The following UBA5 variants were observed in gnomAD, a reference collection of about 807,000 sequenced individuals.
The protein encoded by UBA5 is ubiquitin like modifier activating enzyme 5.
In UBA5, 28 loss-of-function variants were observed where a neutral mutation model predicts 52.9. The observed-to-expected ratio is 0.53, with a 90% CI of 0.39 to 0.73. UBA5 has a LOEUF of 0.73. Among genes scored for constraint, UBA5 ranks in the 30% least tolerant of loss-of-function variants. The probability of loss-of-function intolerance (pLI) is 0.00; values close to 1 mark genes in which losing one functional copy is unlikely to be tolerated. For synonymous variants in UBA5, 135 were observed against 162.1 expected (o/e 0.83, Z 1.27); for missense variants, 388 against 492.7 (o/e 0.79, Z 2.01).
At chr3:132,655,934 TAA>T (rs1307405838), upstream of UBA5, among the ~76,000 whole-genome samples, 2 of 152,220 alleles carry the variant, frequency 1.3e-5, no homozygotes, top group African/African-American at 2.4e-5. Flanking sequence ...ATCTTGCAGA[TAA>T]AAAGAGTATT....
At chr3:132,655,978 T>C (rs1388258059), upstream of UBA5, among the ~76,000 whole-genome samples, 1 of 152,212 alleles carries the variant, frequency 6.6e-6, no homozygotes, top group Non-Finnish European at 1.5e-5. Flanking sequence ...GGAATAGTAA[T>C]GCCACAAACA....
rs144114319 is a variant in UBA5 at position 132,665,960 on chromosome 3, CAT to C, written c.208-20_208-19del. ...TATTTGATGAAGAGCTATTAACCAA[CAT>C]ATACTATTTTATATTTCACAGAAAA... is the stretch of plus-strand genomic sequence containing the variant. On this transcript the variant is annotated intron_variant, in intron 2 of 11. Coordinates refer to ENST00000356232, the MANE Select transcript of UBA5 (RefSeq NM_024818.6). 5,923 of 1,611,500 alleles carry C rather than the reference CAT, an allele frequency of 3.7e-3. 185 individuals are homozygous for C. The African/African-American group carries it at 0.069, about 19-fold the overall frequency.
At chr3:132,657,179 T>C (rs1340525331), upstream of UBA5, among the ~76,000 whole-genome samples, 1 of 152,222 alleles carries the variant, frequency 6.6e-6, no homozygotes, top group East Asian at 1.9e-4. Flanking sequence ...AGAGTCTAAT[T>C]TCTATTTCTT....
rs1464880073 is a variant in UBA5 at position 132,679,775 on chromosome 3, C to G, written c.*3249C>G. On this transcript the variant is annotated 3_prime_UTR_variant, in exon 12 of 12. Transcript: ENST00000356232. ...CCACTAAATAATCAAATTCTAAGCTCTAACAGCTTAATTCTAAAATCATTG... is the reference window on the plus strand; with the variant it reads ...CCACTAAATAATCAAATTCTAAGCTGTAACAGCTTAATTCTAAAATCATTG... Among the ~76,000 whole-genome samples, 4 of 152,144 alleles carry G rather than the reference C, an allele frequency of 2.6e-5. No homozygotes were observed. The highest frequency in any genetic ancestry group is 2.0e-4 in the Admixed American group (3 of 15,278).
chr3:132,676,355 A>G lies in UBA5; in HGVS notation c.1132-88A>G, dbSNP rs563463359. 2.0e-6 allele frequency: 2 copies of G among 1,009,670 alleles called. No homozygotes were observed. The highest frequency in any genetic ancestry group is 2.9e-5 in the South Asian group (2 of 68,090). 62.5% of individuals were successfully genotyped at this position (1,009,670 alleles called of 1,614,324 possible). ...AATTTACTTTATAACCTTGTTGAGC[A>G]TGGTCAAAACTTGCTGATTATATAT... On this transcript the variant is annotated intron_variant, in intron 11 of 11. Transcript: ENST00000356232. The surrounding 1 kb of genome is among the most constrained non-coding windows in gnomAD (Gnocchi z 4.1).
intron 6 of UBA5, 22 bp from the exon 7 acceptor site, chr3:132,671,755 G>GT (rs745773245): frequency 1.3e-6 from 2 of 1,558,548 alleles, no homozygotes; most frequent in South Asian, 2.4e-5. Flanking sequence ...TTTTCCTTAT[G>GT]TTTTCACCCA....
chr3:132,665,276 A>G (rs1466700313), intron 1 of UBA5, among the ~76,000 whole-genome samples: 1 of 152,118 alleles, frequency 6.6e-6, no homozygotes, highest in Non-Finnish European at 1.5e-5. Context: ...TGGTGGAACT[A>G]TTTGACTCCT....
At chr3:132,674,848 T>G (rs1020674697) in intron 8 of UBA5, among the ~76,000 whole-genome samples, 1 of 152,218 alleles carries the variant, frequency 6.6e-6, no homozygotes, top group Non-Finnish European at 1.5e-5. Context: ...TACAAAATGT[T>G]AAAATTAAGT....
chr3:132,655,731 T>C (rs1937756417), upstream of UBA5, among the ~76,000 whole-genome samples: 1 of 152,212 alleles, frequency 6.6e-6, no homozygotes, highest in African/African-American at 2.4e-5. Context: ...CTTCTACAAA[T>C]ACAATGGAAG....
intron 1 of UBA5, among the ~76,000 whole-genome samples, chr3:132,661,711 T>G (rs1482637712): frequency 6.6e-6 from 1 of 152,200 alleles, no homozygotes; most frequent in Non-Finnish European, 1.5e-5. Flanking sequence ...ATGAACCGTC[T>G]CCCCAGTAAA....
upstream of UBA5, among the ~76,000 whole-genome samples, chr3:132,655,735 A>G (rs1937756610): frequency 1.3e-5 from 2 of 152,186 alleles, no homozygotes; most frequent in Admixed American, 1.3e-4. Flanking sequence ...TACAAATACA[A>G]TGGAAGTTCC....
upstream of UBA5, among the ~76,000 whole-genome samples, chr3:132,656,842 T>C (rs1937833684): frequency 1.4e-5 from 2 of 145,694 alleles, no homozygotes; most frequent in South Asian, 2.2e-4. Context: ...TGGTTTCTCA[T>C]TGTGTTGTTT....
At chr3:132,661,600 A>C (rs1292334044) in intron 1 of UBA5, among the ~76,000 whole-genome samples, 2 of 152,190 alleles carry the variant, frequency 1.3e-5, no homozygotes, top group African/African-American at 4.8e-5. Flanking sequence ...CCCATTATAT[A>C]AGTGAGAAAA....
chr3:132,659,556 C>G, upstream of UBA5: 1 of 1,606,588 alleles, frequency 6.2e-7, no homozygotes, highest in Non-Finnish European at 8.5e-7. Flanking sequence ...AAGGAAAACT[C>G]AATGTACAAA....
chr3:132,670,879 A>G (rs1331724208), intron 5 of UBA5, 86 bp from the exon 6 acceptor site: 12 of 800,826 alleles, frequency 1.5e-5, no homozygotes, highest in African/African-American at 5.2e-5. Context: ...TAATGAAAGA[A>G]TAAGTGTTGG....
rs763860645 is a variant in UBA5 at position 132,672,169 on chromosome 3, C to A, written c.804C>A (p.Asn268Lys). ...TGGTTGCTGGGATCTTAGTACAAAA[C>A]GTGTTAAAGTAAGTCAGGGCTAATT... Reference protein sequence around the residue: ...MGVVAGILVQNVLKFLLNFGT... With the variant: ...MGVVAGILVQKVLKFLLNFGT... The change falls in exon 8 of 12, where the codon AAC becomes AAA. Residue 268 changes from asparagine (N) to lysine (K), a missense_variant. This residue lies in a region of UBA5 where 277 missense variants were observed against 326.4 expected (regional missense o/e 0.85). Transcript: ENST00000356232. The A allele has an allele frequency of 6.2e-7, 1 of 1,613,340 alleles. No individual in the cohort carries two copies.
intron 5 of UBA5, 49 bp downstream of exon 5, chr3:132,670,333 T>C: frequency 1.3e-6 from 1 of 770,832 alleles, no homozygotes; most frequent in Non-Finnish European, 2.1e-6. Context: ...GCTCAAGTAT[T>C]AGAAAATTAT....
upstream of UBA5, chr3:132,659,394 T>C (rs1938001521): frequency 3.3e-6 from 2 of 602,550 alleles, no homozygotes; most frequent in Non-Finnish European, 2.8e-6. Context: ...GTGAACGTTA[T>C]TGCGCTTCCA....
intron 6 of UBA5, among the ~76,000 whole-genome samples, chr3:132,671,386 T>C (rs1347650175): frequency 6.6e-6 from 1 of 152,194 alleles, no homozygotes; most frequent in Non-Finnish European, 1.5e-5. Context: ...AATGTATAAA[T>C]ATGTATAAAT....
Sources: allele counts gnomAD v4.1 joint callset (sites outside exome capture counted in the v4.1 genomes callset), GRCh38; gene constraint gnomAD v4.1.1; regional missense constraint gnomAD v4.1.1; non-coding constraint Gnocchi (gnomAD v3.1); transcripts MANE v1.5; gene names NCBI Gene and HGNC (gene_info 2026-07-23, HGNC 2026-07-21).